Variants in CDH4 observed in about 807,000 individuals in gnomAD.
The protein encoded by CDH4 is cadherin 4, also known as cadherin-4.
In CDH4, 33 loss-of-function variants were observed where a neutral mutation model predicts 86.0. The observed-to-expected ratio is 0.38, with a 90% CI of 0.29 to 0.51. The LOEUF (loss-of-function observed/expected upper bound fraction) is 0.51. CDH4 is among the 20% of genes least tolerant of loss of function. The probability of loss-of-function intolerance (pLI) is 0.86; values close to 1 mark genes in which losing one functional copy is unlikely to be tolerated. For synonymous variants in CDH4, 555 were observed against 549.4 expected (o/e 1.01, Z -0.14); for missense variants, 1,114 against 1,307.4 (o/e 0.85, Z 2.28).
At chr20:61,476,053 G>A (rs1027997570) in intron 2 of CDH4, among the ~76,000 whole-genome samples, 3 of 152,176 alleles carry the variant, frequency 2.0e-5, no homozygotes, top group Non-Finnish European at 4.4e-5. Flanking sequence ...TGGACGCACA[G>A]GAATAACAGT....
intron 10 of CDH4, 119 bp downstream of exon 10, chr20:61,923,823 C>A (rs942087710): frequency 6.3e-6 from 8 of 1,261,318 alleles, no homozygotes; most frequent in African/African-American, 1.5e-5. Context: ...TGGTCGGGGG[C>A]ATCTCCAACC....
At chr20:61,683,852 G>A (rs1371577875) in intron 2 of CDH4, among the ~76,000 whole-genome samples, 3 of 152,200 alleles carry the variant, frequency 2.0e-5, no homozygotes, top group African/African-American at 7.2e-5. Flanking sequence ...GTGCCTGCCT[G>A]CCGTGGGGTG....
rs1252299371 is a variant in CDH4, at chr20:61,517,514, C to T, written c.170-226049C>T. Among the ~76,000 whole-genome samples, 5 of 152,136 alleles carry T rather than the reference C, an allele frequency of 3.3e-5. No individual in the cohort carries two copies. The highest frequency in any genetic ancestry group is 3.3e-4 in the Admixed American group (5 of 15,276). On this transcript the variant is annotated intron_variant, in intron 2 of 15. Coordinates refer to ENST00000614565, the MANE Select transcript of CDH4 (RefSeq NM_001794.5). The surrounding 1 kb of genome is among the most constrained non-coding windows in gnomAD (Gnocchi z 6.6). ...CTGGCCTATAGACTTTTGTGTCTGG[C>T]GGCTTTTAAGAGTCAGACTTGTTTA...
chr20:61,452,416 G>T (rs921682416), intron 2 of CDH4, among the ~76,000 whole-genome samples: 1 of 152,142 alleles, frequency 6.6e-6, no homozygotes, highest in Non-Finnish European at 1.5e-5. Context: ...GCTAATCCTA[G>T]TGGGAATTTA....
chr20:61,299,821 C>G (rs910644637), intron 2 of CDH4, among the ~76,000 whole-genome samples: 2 of 152,166 alleles, frequency 1.3e-5, no homozygotes, highest in African/African-American at 4.8e-5. Context: ...AAAACACAGG[C>G]TATAAAAGTG....
chr20:61,500,872 C>T (rs536605888), intron 2 of CDH4, among the ~76,000 whole-genome samples: 147 of 152,334 alleles, frequency 9.6e-4, no homozygotes, highest in Middle Eastern at 3.4e-3. Flanking sequence ...CCAGTGCAGG[C>T]ATGCCCTCAG....
chr20:61,428,973 T>C (rs781622854), intron 2 of CDH4, among the ~76,000 whole-genome samples: 25 of 152,296 alleles, frequency 1.6e-4, no homozygotes, highest in Admixed American at 3.9e-4. Flanking sequence ...AATTGTATTG[T>C]ATTAGTTTGC....
chr20:61,427,696 A>G (rs1181430138), intron 2 of CDH4, among the ~76,000 whole-genome samples: 1 of 152,040 alleles, frequency 6.6e-6, no homozygotes, highest in Non-Finnish European at 1.5e-5. Flanking sequence ...TGCCAGCTCC[A>G]GACCCCCAAT....
intron 4 of CDH4, among the ~76,000 whole-genome samples, chr20:61,795,851 A>ATGAATGAATGAGTGAG (rs61104409): frequency 0.75 from 113,522 of 151,568 alleles, 42,853 homozygotes; most frequent in African/African-American, 0.86. Context: ...GAATGAGTGA[A>ATGAATGAATGAGTGAG]TGAATGAATG....
chr20:61,521,428 G>T (rs113594876), intron 2 of CDH4, among the ~76,000 whole-genome samples: 2 of 152,194 alleles, frequency 1.3e-5, no homozygotes, highest in Non-Finnish European at 2.9e-5. Flanking sequence ...CGTCAGCCCT[G>T]TCTCTCTTTT....
chr20:61,459,924 T>C (rs1385669664), intron 2 of CDH4, among the ~76,000 whole-genome samples: 2 of 151,770 alleles, frequency 1.3e-5, no homozygotes, highest in Admixed American at 6.6e-5. Context: ...CAGTACCTGA[T>C]AAAGCTCCGC....
chr20:61,405,647 T>G (rs761143110), intron 2 of CDH4, among the ~76,000 whole-genome samples: 6 of 152,098 alleles, frequency 3.9e-5, no homozygotes, highest in Non-Finnish European at 7.4e-5. Flanking sequence ...ATAGTAAATA[T>G]TTAGACTAGG....
At chr20:61,883,166 C>T (rs556208850) in intron 7 of CDH4, among the ~76,000 whole-genome samples, 8 of 152,056 alleles carry the variant, frequency 5.3e-5, no homozygotes, top group East Asian at 3.9e-4. Flanking sequence ...GCATTCCTCC[C>T]GAGACCTCCA....
chr20:61,674,077 G>A (rs2087419564), intron 2 of CDH4, among the ~76,000 whole-genome samples: 1 of 152,176 alleles, frequency 6.6e-6, no homozygotes, highest in Non-Finnish European at 1.5e-5. Flanking sequence ...TTGGGGGTGT[G>A]CAAATGAGAC....
chr20:61,282,546 C>CGTGTGTGT (rs1568780355), intron 2 of CDH4, among the ~76,000 whole-genome samples: 2 of 3,880 alleles, frequency 5.2e-4, no homozygotes, highest in Admixed American at 4.2e-3. Context: ...GGTGTGTGTG[C>CGTGTGTGT]ATGTGTGTGT....
intron 2 of CDH4, among the ~76,000 whole-genome samples, chr20:61,378,078 C>A (rs1421395909): frequency 6.6e-6 from 1 of 152,098 alleles, no homozygotes; most frequent in Non-Finnish European, 1.5e-5. Context: ...CATGGCAAGA[C>A]CCCCATCTCT....
At chr20:61,412,553 G>A (rs994795094) in intron 2 of CDH4, among the ~76,000 whole-genome samples, 2 of 152,154 alleles carry the variant, frequency 1.3e-5, no homozygotes, top group South Asian at 4.1e-4. Context: ...GAGAGGTGGA[G>A]GAGGGATTTC....
intron 2 of CDH4, among the ~76,000 whole-genome samples, chr20:61,714,207 T>C (rs1019574752): frequency 1.3e-4 from 20 of 151,880 alleles, no homozygotes; most frequent in African/African-American, 4.8e-4. Context: ...CCACCACGCC[T>C]GGCTAATTTT....
At chr20:61,347,528 G>T (rs6071593) in intron 2 of CDH4, among the ~76,000 whole-genome samples, 2 of 152,150 alleles carry the variant, frequency 1.3e-5, no homozygotes, top group Non-Finnish European at 2.9e-5. Flanking sequence ...ATGACAGATC[G>T]CAGAAGGAAT....
Sources: gnomAD v4.1 joint callset for allele counts (sites outside exome capture counted in the v4.1 genomes callset) on GRCh38, gnomAD v4.1.1 for gene constraint, Gnocchi (gnomAD v3.1) non-coding constraint, MANE v1.5 for transcripts, NCBI Gene and HGNC (gene_info 2026-07-23, HGNC 2026-07-21) for gene names.